The following ANKFN1 variants were observed in gnomAD, a reference collection of about 807,000 sequenced individuals.
The protein encoded by ANKFN1 is ankyrin repeat and fibronectin type-III domain-containing protein 1.
A neutral mutation model predicts 108.7 loss-of-function variants in ANKFN1; 74 were observed. The ratio of observed to expected loss-of-function variants is 0.68; its 90% CI spans 0.56 to 0.83. The LOEUF (loss-of-function observed/expected upper bound fraction) is 0.83. Among genes scored for constraint, ANKFN1 ranks in the 40% least tolerant of loss-of-function variants. The pLI is 0.00. For synonymous variants in ANKFN1, 547 were observed against 516.2 expected (o/e 1.06, Z -0.81); for missense variants, 1,505 against 1,382.3 (o/e 1.09, Z -1.41).
At chr17:56,333,328 G>A (rs938188761) in intron 4 of ANKFN1, among the ~76,000 whole-genome samples, 4 of 152,012 alleles carry the variant, frequency 2.6e-5, no homozygotes, top group African/African-American at 9.7e-5. Context: ...GATTGAAGAG[G>A]TTCCCTTACA....
At chr17:56,395,050 G>T (rs1020693757) in intron 8 of ANKFN1, among the ~76,000 whole-genome samples, 1 of 152,146 alleles carries the variant, frequency 6.6e-6, no homozygotes, top group African/African-American at 2.4e-5. Flanking sequence ...GGGAGGTTGG[G>T]GGTGGAAGGT....
chr17:56,299,992 G>T (rs1434157445), intron 3 of ANKFN1, among the ~76,000 whole-genome samples: 2 of 152,172 alleles, frequency 1.3e-5, no homozygotes, highest in African/African-American at 2.4e-5. Context: ...AATGAACCAA[G>T]GATGTTCTGT....
At chr17:56,446,465 G>A (rs768536853) in intron 10 of ANKFN1, among the ~76,000 whole-genome samples, 1 of 152,158 alleles carries the variant, frequency 6.6e-6, no homozygotes, top group Non-Finnish European at 1.5e-5. Flanking sequence ...GATACCGAGT[G>A]TTTATTTCCT....
intron 3 of ANKFN1, among the ~76,000 whole-genome samples, chr17:56,240,314 A>G (rs1917482778): frequency 6.6e-6 from 1 of 151,938 alleles, no homozygotes; most frequent in South Asian, 2.1e-4. Context: ...GCCATTCTGT[A>G]TTTTTTGTCA....
At chr17:56,065,116 C>A (rs1191564409) in intron 4 of ANKFN1, among the ~76,000 whole-genome samples, 1 of 152,174 alleles carries the variant, frequency 6.6e-6, no homozygotes, top group Non-Finnish European at 1.5e-5. Flanking sequence ...TATTATGGTT[C>A]TTTTCAATGG....
intron 1 of ANKFN1, among the ~76,000 whole-genome samples, chr17:56,203,649 C>T (rs1163452371): frequency 6.6e-6 from 1 of 152,208 alleles, no homozygotes; most frequent in African/African-American, 2.4e-5. Context: ...GAAGTAACTT[C>T]CTGCTCTTCG....
intron 1 of ANKFN1, among the ~76,000 whole-genome samples, chr17:56,155,080 C>T (rs370981217): frequency 4.3e-4 from 66 of 152,220 alleles, no homozygotes; most frequent in African/African-American, 1.5e-3. Flanking sequence ...GAGGGAGGCC[C>T]GTCTGGTCAA....
At position 56,350,807 on chromosome 17, in the gene ANKFN1, ATC is replaced by A. The variant is rs1353416780; in HGVS notation, c.234_235del (p.Cys79SerfsTer6). 3.1e-6 allele frequency: 5 copies of A among 1,613,802 alleles called. No individual in the cohort carries two copies. Among genetic ancestry groups the A allele is most frequent in the Middle Eastern group, 1.7e-4 (1 of 6,056 alleles). ...ATGACGCAACAAATGCAAAATTTACATCTCTGTCAGTCAAAAAAACATAGTGC... is the reference window on the plus strand; with the variant it reads ...ATGACGCAACAAATGCAAAATTTACATCTGTCAGTCAAAAAAACATAGTGC... On this transcript the variant is annotated frameshift_variant, in exon 5 of 21. Transcript: ENST00000682825. LOFTEE classifies it high-confidence loss of function.
chr17:56,141,285 A>G (rs998569288), intron 4 of ANKFN1, among the ~76,000 whole-genome samples: 1 of 152,214 alleles, frequency 6.6e-6, no homozygotes, highest in Non-Finnish European at 1.5e-5. Flanking sequence ...CAGTTTGCTG[A>G]CAGACGTGTG....
chr17:56,082,628 G>A lies in ANKFN1; in HGVS notation c.288+36303G>A, dbSNP rs564481694. 1.4e-4 allele frequency among the ~76,000 whole-genome samples: 22 copies of A among 152,270 alleles called. No homozygotes were observed. In the South Asian group the frequency reaches 2.3e-3, roughly 16 times the overall value. ...ATTTTACTTGAAAAACTGGTGCCTC[G>A]TTTGTTCATTCATTCTCTGTGCATT... is the stretch of plus-strand genomic sequence containing the variant. On this transcript the variant is annotated intron_variant, in intron 4 of 12. Coordinates refer to the ANKFN1 transcript ENST00000635860.
At chr17:56,254,514 T>A (rs2043311477) in intron 3 of ANKFN1, among the ~76,000 whole-genome samples, 1 of 152,230 alleles carries the variant, frequency 6.6e-6, no homozygotes, top group Admixed American at 6.5e-5. Flanking sequence ...GTCCTTTCCC[T>A]TGGTTCTAGC....
Position 56,449,101 on chromosome 17 carries a change from A to T in ANKFN1, c.1122A>T (p.Arg374Ser). 1 of 1,613,482 alleles carries T rather than the reference A, an allele frequency of 6.2e-7. No homozygotes were observed. Among genetic ancestry groups the T allele is most frequent in the Non-Finnish European group, 8.5e-7 (1 of 1,179,544 alleles). The change falls in exon 11 of 21, where the codon AGA (arginine) becomes AGT (serine). Residue 374 changes from arginine to serine, a missense_variant. Physicochemically the swap from Arg to Ser is moderately radical, Grantham distance 110. Coordinates refer to ENST00000682825, the MANE Select transcript of ANKFN1 (RefSeq NM_001370326.1). Reference protein sequence around the residue: ...SPSNWKDYDDREPRHKGQSEV... With the variant: ...SPSNWKDYDDSEPRHKGQSEV... ...TAGACTGGAAAGACTATGACGACAGAGAGCCCAGACACAAGGGACAGAGTG... is the reference window on the plus strand; with the variant it reads ...TAGACTGGAAAGACTATGACGACAGTGAGCCCAGACACAAGGGACAGAGTG...
intron 3 of ANKFN1, among the ~76,000 whole-genome samples, chr17:56,235,889 A>T (rs1459717031): frequency 6.6e-6 from 1 of 152,172 alleles, no homozygotes; most frequent in Non-Finnish European, 1.5e-5. Flanking sequence ...AATTCTGTGA[A>T]AAATGTCTTT....
rs1012216402 is a variant in ANKFN1, at chr17:56,398,160, G to A, written c.910+23446G>A. Among the ~76,000 whole-genome samples, 8 of 151,992 alleles carry A rather than the reference G, an allele frequency of 5.3e-5. No homozygotes were observed. The East Asian group carries it at 1.5e-3, about 29-fold the overall frequency. The stretch of plus-strand genomic sequence containing the variant: ...TTTTTCTAGATTATATTCTCCATGA[G>A]AGCAGAGACTATGCCTATTTAATTC... On this transcript the variant is annotated intron_variant, in intron 8 of 20. Transcript: ENST00000682825.
intron 1 of ANKFN1, among the ~76,000 whole-genome samples, chr17:56,201,033 C>G (rs1260077981): frequency 6.6e-6 from 1 of 152,142 alleles, no homozygotes; most frequent in African/African-American, 2.4e-5. Flanking sequence ...AATGGTGGAG[C>G]CCTCACAGTC....
intron 4 of ANKFN1, among the ~76,000 whole-genome samples, chr17:56,049,352 G>A (rs966266464): frequency 6.6e-5 from 10 of 152,118 alleles, no homozygotes; most frequent in Non-Finnish European, 1.0e-4. Context: ...AGTGTCTTGG[G>A]AGCAAGACTT....
chr17:56,082,106 C>T (rs768747180), intron 4 of ANKFN1, among the ~76,000 whole-genome samples: 1 of 152,074 alleles, frequency 6.6e-6, no homozygotes, highest in Non-Finnish European at 1.5e-5. Flanking sequence ...GGTTTGGGGG[C>T]CCTCTCCTGC....
chr17:56,203,244 C>T (rs1012319411), intron 1 of ANKFN1, among the ~76,000 whole-genome samples: 9 of 152,110 alleles, frequency 5.9e-5, no homozygotes, highest in Admixed American at 3.3e-4. Context: ...AAGATCTCCA[C>T]GGGACATACA....
intron 3 of ANKFN1, among the ~76,000 whole-genome samples, chr17:56,262,975 A>T (rs1014484678): frequency 2.0e-5 from 3 of 152,190 alleles, no homozygotes; most frequent in African/African-American, 4.8e-5. Flanking sequence ...GAACTGAATT[A>T]TGTCTGTGGC....
Sources: allele counts gnomAD v4.1 joint callset (sites outside exome capture counted in the v4.1 genomes callset), GRCh38; gene constraint gnomAD v4.1.1; transcripts MANE v1.5; gene names NCBI Gene and HGNC (gene_info 2026-07-23, HGNC 2026-07-21).